Variants in PALLD observed in about 807,000 individuals in gnomAD.
The protein encoded by PALLD is palladin.
A neutral mutation model predicts 123.5 loss-of-function variants in PALLD; 61 were observed. The observed-to-expected ratio is 0.49, with a 90% confidence interval of 0.40 to 0.61. The LOEUF is 0.61. Ranked by LOEUF, PALLD falls within the 20% of genes least tolerant of loss-of-function variation. The probability of loss-of-function intolerance (pLI) is 0.00; values close to 1 mark genes in which losing one functional copy is unlikely to be tolerated. For missense variants in PALLD, 1,273 were observed against 1,377.0 expected (o/e 0.92, Z 1.20); for synonymous variants, 465 against 496.4 (o/e 0.94, Z 0.84).
chr4:168,565,797 A>G (rs1373790564), intron 2 of PALLD, among the ~76,000 whole-genome samples: 1 of 152,236 alleles, frequency 6.6e-6, no homozygotes, highest in African/African-American at 2.4e-5. Context: ...ATCTGTATTG[A>G]ATTGAAAGGT....
intron 10 of PALLD, among the ~76,000 whole-genome samples, chr4:168,840,486 C>T (rs185575781): frequency 4.7e-4 from 72 of 152,088 alleles, no homozygotes; most frequent in African/African-American, 1.7e-3. Context: ...AAAAGTATAC[C>T]ATTGTAATAT....
chr4:168,739,146 A>AT (rs1788075073), intron 10 of PALLD, among the ~76,000 whole-genome samples: 2 of 152,212 alleles, frequency 1.3e-5, no homozygotes, highest in African/African-American at 2.4e-5. Flanking sequence ...TTGTGTATAT[A>AT]TACCACATTT....
intron 2 of PALLD, among the ~76,000 whole-genome samples, chr4:168,620,403 T>C (rs954524345): frequency 6.6e-6 from 1 of 152,114 alleles, no homozygotes; most frequent in Admixed American, 6.6e-5. Flanking sequence ...TGCAGTGAGC[T>C]GAGATCGCAC....
At chr4:168,748,282 C>A (rs1176054696) in intron 10 of PALLD, among the ~76,000 whole-genome samples, 1 of 152,130 alleles carries the variant, frequency 6.6e-6, no homozygotes, top group African/African-American at 2.4e-5. Flanking sequence ...CAGTCTCACC[C>A]CAAATCAGTT....
At position 168,831,792 on chromosome 4, in the gene PALLD, A is replaced by C. The variant is rs183054683; in HGVS notation, c.1965-59130A>C. 4.2e-3 allele frequency among the ~76,000 whole-genome samples: 642 copies of C among 152,330 alleles called. 2 individuals carry two copies. The highest frequency in any genetic ancestry group is 0.013 in the African/African-American group (557 of 41,572). On this transcript the variant is annotated intron_variant, in intron 10 of 21. Transcript: ENST00000505667. ...GACAACATATCTATGGGCCTAAAAA[A>C]CTTAAATTCTTTCCCGTTATTAGCA...
chr4:168,755,531 A>G (rs1003472910), intron 10 of PALLD, among the ~76,000 whole-genome samples: 1 of 152,132 alleles, frequency 6.6e-6, no homozygotes, highest in Non-Finnish European at 1.5e-5. Flanking sequence ...ATGAGATTGG[A>G]GAAATAAACA....
At chr4:168,863,377 G>A (rs1749775466) in intron 10 of PALLD, among the ~76,000 whole-genome samples, 1 of 152,164 alleles carries the variant, frequency 6.6e-6, no homozygotes, top group Admixed American at 6.5e-5. Context: ...CAAAAAACAG[G>A]AAGAAAAAGC....
intron 2 of PALLD, among the ~76,000 whole-genome samples, chr4:168,539,330 C>T (rs1765384185): frequency 6.6e-6 from 1 of 152,128 alleles, no homozygotes; most frequent in Non-Finnish European, 1.5e-5. Flanking sequence ...TGGCTCACGC[C>T]TGTAATCCCA....
intron 2 of PALLD, among the ~76,000 whole-genome samples, chr4:168,650,440 T>G (rs910860516): frequency 2.0e-5 from 3 of 152,216 alleles, no homozygotes; most frequent in Non-Finnish European, 4.4e-5. Context: ...AAAGATTGCA[T>G]AGTATTTCAT....
At chr4:168,499,458 T>G (rs1218751972) in intron 1 of PALLD, among the ~76,000 whole-genome samples, 2 of 152,114 alleles carry the variant, frequency 1.3e-5, no homozygotes, top group African/African-American at 4.8e-5. Context: ...TAACTTTGGT[T>G]TTCATAGTTT....
At chr4:168,712,404 A>C (rs1784917189) in intron 10 of PALLD, 1 of 213,400 alleles carries the variant, frequency 4.7e-6, no homozygotes, top group African/African-American at 2.3e-5. Flanking sequence ...CAGGGCAATG[A>C]AACTGGAGGG....
At position 168,527,093 on chromosome 4, in the gene PALLD, G is replaced by A. The variant is rs532655302; in HGVS notation, c.908+14681G>A. ...GTCTCAGCTCTCTGTGAAAAATTGT[G>A]TGTACTCACAATAACAAACATATAC... On this transcript the variant is annotated intron_variant, in intron 2 of 21. Coordinates refer to ENST00000505667, the MANE Select transcript of PALLD (RefSeq NM_001166108.2). Among the ~76,000 whole-genome samples, 5 of 152,240 alleles carry A rather than the reference G, an allele frequency of 3.3e-5. No individual in the cohort carries two copies. The South Asian group carries it at 8.3e-4, about 25-fold the overall frequency.
At chr4:168,572,533 T>A (rs946306571) in intron 2 of PALLD, among the ~76,000 whole-genome samples, 5 of 152,074 alleles carry the variant, frequency 3.3e-5, no homozygotes, top group Non-Finnish European at 7.4e-5. Flanking sequence ...TCACTAGGTG[T>A]GGACGTTTAA....
intron 2 of PALLD, among the ~76,000 whole-genome samples, chr4:168,560,445 C>T (rs967214357): frequency 6.6e-6 from 1 of 152,226 alleles, no homozygotes; most frequent in Admixed American, 6.5e-5. Context: ...TTCCTAGTAT[C>T]AGGTTCACAC....
intron 10 of PALLD, among the ~76,000 whole-genome samples, chr4:168,789,928 C>G (rs971594775): frequency 1.3e-5 from 2 of 152,016 alleles, no homozygotes; most frequent in Non-Finnish European, 2.9e-5. Flanking sequence ...AAAATCAAAA[C>G]ACTGTCCTTG....
intron 2 of PALLD, among the ~76,000 whole-genome samples, chr4:168,524,891 C>G (rs1015018670): frequency 6.6e-6 from 1 of 152,182 alleles, no homozygotes; most frequent in African/African-American, 2.4e-5. Context: ...TTACTCTTAG[C>G]AACAACCTTC....
intron 2 of PALLD, among the ~76,000 whole-genome samples, chr4:168,632,251 GC>G (rs1393190945): frequency 2.0e-5 from 3 of 150,606 alleles, no homozygotes; most frequent in Non-Finnish European, 3.0e-5. Context: ...TGTTTAACTT[GC>G]CTGCTGCGAT....
chr4:168,786,256 A>C (rs1736740881), intron 10 of PALLD, among the ~76,000 whole-genome samples: 4 of 151,918 alleles, frequency 2.6e-5, no homozygotes. Flanking sequence ...TGAACCCGGG[A>C]GGTAGAAGTT....
At chr4:168,623,681 C>CGGAACTGAAAAAGCAAGGTTATGACCT (rs1774975234) in intron 2 of PALLD, among the ~76,000 whole-genome samples, 1 of 152,090 alleles carries the variant, frequency 6.6e-6, no homozygotes, top group Non-Finnish European at 1.5e-5. Flanking sequence ...ACCGGGCAAA[C>CGGAACTGAAAAAGCAAGGTTATGACCT]GGAACTGAAA....
Sources: gnomAD v4.1 joint callset for allele counts (sites outside exome capture counted in the v4.1 genomes callset) on GRCh38, gnomAD v4.1.1 for gene constraint, MANE v1.5 for transcripts, NCBI Gene and HGNC (gene_info 2026-07-23, HGNC 2026-07-21) for gene names.